Variants in ARID1B observed in about 807,000 individuals in gnomAD.
ARID1B encodes the protein AT-rich interaction domain 1B, also known as AT-rich interactive domain-containing protein 1B.
In ARID1B, 30 loss-of-function variants were observed where a neutral mutation model predicts 212.3. The ratio of observed to expected loss-of-function variants is 0.14; its 90% CI spans 0.11 to 0.19. The LOEUF (loss-of-function observed/expected upper bound fraction) is 0.19. Ranked by LOEUF, ARID1B falls within the 10% of genes least tolerant of loss-of-function variation. The pLI is 1.00. For missense variants in ARID1B, 2,891 were observed against 3,204.0 expected, an observed-to-expected ratio of 0.90 and a Z score of 2.36; for synonymous variants, 1,402 against 1,301.7, an observed-to-expected ratio of 1.08 and a Z score of -1.66.
chr6:157,164,529 G>A (rs1481769168), intron 8 of ARID1B: 1 of 152,122 alleles, frequency 6.6e-6, no homozygotes, highest in Non-Finnish European at 1.5e-5. Flanking sequence ...TATATGAGAC[G>A]GAATTTAATG....
At chr6:156,871,487 C>T (rs1021020546) in intron 2 of ARID1B, 9 of 753,768 alleles carry the variant, frequency 1.2e-5, no homozygotes, top group African/African-American at 3.5e-5. Flanking sequence ...CAGATGGGGA[C>T]CTGAGGTTTT....
At chr6:157,060,355 C>G (rs1387318360) in intron 4 of ARID1B, among the ~76,000 whole-genome samples, 3 of 152,046 alleles carry the variant, frequency 2.0e-5, no homozygotes, top group South Asian at 4.1e-4. Flanking sequence ...TTATCTGGAA[C>G]AAAAATAATT....
intron 13 of ARID1B, among the ~76,000 whole-genome samples, chr6:157,188,525 G>A (rs112828243): frequency 0.029 from 4,431 of 152,290 alleles, 232 homozygotes; most frequent in African/African-American, 0.1. Context: ...AATAATGGTA[G>A]TTGTAGTGAG....
chr6:157,087,610 C>G (rs142318072), intron 5 of ARID1B, among the ~76,000 whole-genome samples: 54 of 152,308 alleles, frequency 3.5e-4, no homozygotes, highest in Middle Eastern at 3.4e-3. Flanking sequence ...AATTACTGTT[C>G]AGAGTTGTAC....
intron 12 of ARID1B, among the ~76,000 whole-genome samples, chr6:157,183,960 T>C (rs138510924): frequency 6.6e-6 from 1 of 152,182 alleles, no homozygotes; most frequent in African/African-American, 2.4e-5. Flanking sequence ...TTTTCCTTAA[T>C]TGGAGGTGCA....
At chr6:157,168,252 A>C (rs1311290652) in intron 9 of ARID1B, 1 of 152,226 alleles carries the variant, frequency 6.6e-6, no homozygotes, top group Non-Finnish European at 1.5e-5. Flanking sequence ...GAAGGGTGAC[A>C]TTCCATGATA....
In ARID1B at chr6:156,778,268, C is replaced by CCAGCAGCAGCAGCAGCAGCAGCAGCAA. The variant is rs587779743; in HGVS notation, c.611_612insGCAACAGCAGCAGCAGCAGCAGCAGCA (p.Gln206_Gln214dup). 5.9e-6 allele frequency: 9 copies of CCAGCAGCAGCAGCAGCAGCAGCAGCAA among 1,536,712 alleles called. No individual in the cohort carries two copies. In the African/African-American group the frequency reaches 9.6e-5, roughly 16 times the overall value. On this transcript the variant is annotated inframe_insertion, in exon 1 of 20. Coordinates refer to ENST00000636930, the MANE Select transcript of ARID1B (RefSeq NM_001374828.1). Reference sequence around the variant, plus strand: ...CACTACAGCAGCAGCTAAACCAGTTCCAGCAGCAGCAGCAGCAGCAGCAAC... The same window carrying CCAGCAGCAGCAGCAGCAGCAGCAGCAA: ...CACTACAGCAGCAGCTAAACCAGTTCCAGCAGCAGCAGCAGCAGCAGCAGCAACAGCAGCAGCAGCAGCAGCAGCAAC...
intron 4 of ARID1B, among the ~76,000 whole-genome samples, chr6:157,040,840 G>A (rs991063167): frequency 5.9e-5 from 9 of 152,214 alleles, no homozygotes; most frequent in African/African-American, 2.2e-4. Flanking sequence ...AGGTAACTTA[G>A]AATTTGAAAT....
chr6:156,859,574 T>C (rs1785180472), intron 2 of ARID1B, among the ~76,000 whole-genome samples: 1 of 152,244 alleles, frequency 6.6e-6, no homozygotes, highest in South Asian at 2.1e-4. Context: ...GTAGTGCACC[T>C]GTGTAAAGGA....
At chr6:157,042,334 A>G (rs986704185) in intron 4 of ARID1B, among the ~76,000 whole-genome samples, 2 of 152,206 alleles carry the variant, frequency 1.3e-5, no homozygotes, top group African/African-American at 4.8e-5. Flanking sequence ...AGATGGAGGG[A>G]CAGAAATATG....
chr6:157,004,293 T>C (rs999776935), intron 4 of ARID1B, among the ~76,000 whole-genome samples: 2 of 152,152 alleles, frequency 1.3e-5, no homozygotes, highest in African/African-American at 4.8e-5. Context: ...GGAAATTAAA[T>C]ATAGGCCAAA....
rs558095411 is a variant in ARID1B, at chr6:157,127,800, A to C, written c.2582-5228A>C. On this transcript the variant is annotated intron_variant, in intron 6 of 19. Coordinates refer to ENST00000636930, the MANE Select transcript of ARID1B (RefSeq NM_001374828.1). ...CTCTGTCTCAAAAAAAAAAAAAAAA[A>C]AAAAAACAAAAATTAGCCAGGCATG... Among the ~76,000 whole-genome samples the C allele has an allele frequency of 3.2e-4, 48 of 149,764 alleles. No homozygotes were observed. The East Asian group carries it at 3.9e-3, about 12-fold the overall frequency.
chr6:157,037,967 T>C (rs1232550881), intron 4 of ARID1B, among the ~76,000 whole-genome samples: 1 of 152,342 alleles, frequency 6.6e-6, no homozygotes, highest in East Asian at 1.9e-4. Flanking sequence ...GAATTACAGA[T>C]TTTTAAAAAT....
intron 2 of ARID1B, among the ~76,000 whole-genome samples, chr6:156,893,407 G>C (rs1299139924): frequency 2.6e-5 from 4 of 152,094 alleles, no homozygotes; most frequent in East Asian, 1.9e-4. Flanking sequence ...CAAAAGCATA[G>C]GCAACAAAAG....
Position 156,806,728 on chromosome 6 carries a change from G to A in ARID1B, c.1792-22499G>A, listed in dbSNP as rs376467119. ...CACACTGTTGCTGTGGTGTGTTACA[G>A]TGATTCTTTAGCTTAGAGACACGTT... On this transcript the variant is annotated intron_variant, in intron 1 of 19. Transcript: ENST00000636930. Among the ~76,000 whole-genome samples the A allele has an allele frequency of 4.9e-4, 75 of 152,300 alleles. No individual in the cohort carries two copies. The South Asian group carries it at 8.9e-3, about 18-fold the overall frequency.
chr6:156,929,894 A>G (rs1306320509), intron 3 of ARID1B, among the ~76,000 whole-genome samples: 1 of 149,274 alleles, frequency 6.7e-6, no homozygotes, highest in Non-Finnish European at 1.5e-5. Context: ...GTTAGTTTAT[A>G]GTCTGTATGC....
At chr6:157,083,601 C>T (rs1161997103) in intron 4 of ARID1B, among the ~76,000 whole-genome samples, 2 of 152,170 alleles carry the variant, frequency 1.3e-5, no homozygotes, top group Admixed American at 1.3e-4. Flanking sequence ...TAACCTTCAA[C>T]AGTAACTTGG....
At position 156,915,618 on chromosome 6, in the gene ARID1B, G is replaced by A. The variant is rs141999103; in HGVS notation, c.2136+14093G>A. ...ACATTTTAAAGATTTGGTTTTGGGC[G>A]GGCTCAGTGGCTCATGCCTGAAATC... On this transcript the variant is annotated intron_variant, in intron 3 of 19. Transcript: ENST00000636930. Among the ~76,000 whole-genome samples the A allele has an allele frequency of 7.4e-4, 110 of 149,078 alleles. 2 individuals carry two copies. The East Asian group carries it at 0.021, about 28-fold the overall frequency.
At chr6:156,963,430 C>G (rs538308179) in intron 4 of ARID1B, among the ~76,000 whole-genome samples, 1 of 152,102 alleles carries the variant, frequency 6.6e-6, no homozygotes, top group Non-Finnish European at 1.5e-5. Flanking sequence ...TTTTTATTAT[C>G]TACTTGGAAA....
Sources: gnomAD v4.1 joint callset for allele counts (sites outside exome capture counted in the v4.1 genomes callset) on GRCh38, gnomAD v4.1.1 for gene constraint, MANE v1.5 for transcripts, NCBI Gene and HGNC (gene_info 2026-07-23, HGNC 2026-07-21) for gene names.